Variants in CUL2 observed in about 807,000 individuals in gnomAD.
CUL2 encodes the protein cullin 2.
Under a neutral mutation model 110.2 loss-of-function variants are expected in CUL2, and 22 were observed. The observed-to-expected ratio is 0.20, with a 90% confidence interval of 0.14 to 0.28. The LOEUF (loss-of-function observed/expected upper bound fraction) is 0.28. Among genes scored for constraint, CUL2 ranks in the 10% least tolerant of loss-of-function variants. The probability of loss-of-function intolerance (pLI) is 1.00; values close to 1 mark genes in which losing one functional copy is unlikely to be tolerated. For missense variants in CUL2, 631 were observed against 905.5 expected (o/e 0.70, Z 3.89); for synonymous variants, 279 against 293.2 (o/e 0.95, Z 0.49).
chr10:35,091,981 G>C (rs1165137951), upstream of CUL2, among the ~76,000 whole-genome samples: 1 of 152,100 alleles, frequency 6.6e-6, no homozygotes, highest in Non-Finnish European at 1.5e-5. Context: ...GTCTCCCTCT[G>C]TCGCTGAGGC....
At chr10:35,105,806 C>A (rs2087447730) in intron 1 of CUL2, among the ~76,000 whole-genome samples, 1 of 145,272 alleles carries the variant, frequency 6.9e-6, no homozygotes, top group African/African-American at 2.6e-5. Flanking sequence ...GAACCTGGCT[C>A]CTGAAAGAGG....
chr10:35,077,877 T>G (rs1339683169), intron 1 of CUL2, among the ~76,000 whole-genome samples: 1 of 151,520 alleles, frequency 6.6e-6, no homozygotes, highest in East Asian at 1.9e-4. Flanking sequence ...ACAGATGTAA[T>G]GATATGCTGT....
intron 1 of CUL2, chr10:35,073,937 A>T (rs1012345578): frequency 6.0e-6 from 4 of 672,088 alleles, no homozygotes; most frequent in Non-Finnish European, 1.1e-5. Context: ...AAGAAAACTG[A>T]GTCACAAGTG....
intron 1 of CUL2, among the ~76,000 whole-genome samples, chr10:35,083,003 C>T (rs1412317494): frequency 6.6e-6 from 1 of 151,688 alleles, no homozygotes; most frequent in African/African-American, 2.4e-5. Flanking sequence ...ACTAAAAATA[C>T]AAAAATTAGT....
At chr10:35,073,590 T>C (rs2505632) in intron 1 of CUL2, among the ~76,000 whole-genome samples, 16,872 of 151,756 alleles carry the variant, frequency 0.11, 1,181 homozygotes, top group East Asian at 0.3. Flanking sequence ...CTTTTCTTTT[T>C]TTTTTTCTTT....
At chr10:35,098,184 C>T in intron 2 of CUL2, 1 of 151,896 alleles carries the variant, frequency 6.6e-6, no homozygotes, top group South Asian at 2.1e-4. Flanking sequence ...CCAGTGGATC[C>T]TTTATATTTC....
intron 1 of CUL2, among the ~76,000 whole-genome samples, chr10:35,078,276 G>T (rs1255240123): frequency 6.6e-6 from 1 of 151,170 alleles, no homozygotes; most frequent in African/African-American, 2.4e-5. Flanking sequence ...AAATATATAT[G>T]TTTGTTAAGA....
chr10:35,107,848 C>G (rs1777452222), intron 1 of CUL2, among the ~76,000 whole-genome samples: 1 of 132,762 alleles, frequency 7.5e-6, no homozygotes, highest in South Asian at 2.4e-4. Context: ...CGCCACTGCA[C>G]TCCAGCCTGG....
At chr10:35,014,639 C>A (rs2084982159) in intron 18 of CUL2, among the ~76,000 whole-genome samples, 1 of 151,830 alleles carries the variant, frequency 6.6e-6, no homozygotes, top group Non-Finnish European at 1.5e-5. Flanking sequence ...TTGAGACCAG[C>A]CTGGCCAACA....
At position 35,031,828 on chromosome 10, in the gene CUL2, C is replaced by A. The variant is rs1397768959; in HGVS notation, c.1171-209G>T. Among the ~76,000 whole-genome samples, 2 of 152,084 alleles carry A rather than the reference C, an allele frequency of 1.3e-5. No individual in the cohort carries two copies. Among genetic ancestry groups the A allele is most frequent in the Non-Finnish European group, 2.9e-5 (2 of 68,010 alleles). On this transcript the variant is annotated intron_variant, in intron 12 of 20. Coordinates refer to ENST00000374749, the MANE Select transcript of CUL2 (RefSeq NM_003591.4). The surrounding 1 kb of genome is among the most constrained non-coding windows in gnomAD (Gnocchi z 4.4). The stretch of plus-strand genomic sequence containing the variant: ...CCTCAAACTCCTAGGCTCAAAGGAT[C>A]CTCCTGCCTCAGCCTCCCAAGTAGT...
chr10:35,110,667 A>G (rs1201742769), intron 1 of CUL2, among the ~76,000 whole-genome samples: 3 of 152,146 alleles, frequency 2.0e-5, no homozygotes, highest in Non-Finnish European at 2.9e-5. Context: ...TGAGGGCCTA[A>G]GGGAGGAGTC....
chr10:35,103,095 C>T (rs2087405338), intron 1 of CUL2, among the ~76,000 whole-genome samples: 1 of 151,964 alleles, frequency 6.6e-6, no homozygotes, highest in Non-Finnish European at 1.5e-5. Context: ...AATCCAGAAA[C>T]CTATGCACTT....
At chr10:35,042,864 G>A (rs539142187) in intron 8 of CUL2, among the ~76,000 whole-genome samples, 5 of 152,078 alleles carry the variant, frequency 3.3e-5, no homozygotes, top group East Asian at 1.9e-4. Context: ...TCAGTAGTCC[G>A]GAGGCCCAGA....
At chr10:35,025,337 TAC>T (rs759274850) in intron 16 of CUL2, 139 bp from the exon 17 acceptor site, 340 of 1,256,914 alleles carry the variant, frequency 2.7e-4, no homozygotes, top group Non-Finnish European at 3.3e-4. Flanking sequence ...CTCCTTCTTT[TAC>T]AGAGGAGAAA....
At chr10:35,088,760 T>C (rs1049299692) in intron 1 of CUL2, among the ~76,000 whole-genome samples, 4 of 152,196 alleles carry the variant, frequency 2.6e-5, no homozygotes, top group African/African-American at 4.8e-5. Flanking sequence ...GTATTTCAGA[T>C]GCAGGAGAAC....
At position 35,073,086 on chromosome 10, in the gene CUL2, T is replaced by C. The variant is rs140838578; in HGVS notation, c.-22-1747A>G. 1.8e-3 allele frequency among the ~76,000 whole-genome samples: 275 copies of C among 152,108 alleles called. 2 individuals carry two copies. Among genetic ancestry groups the C allele is most frequent in the African/African-American group, 6.0e-3 (251 of 41,504 alleles). On this transcript the variant is annotated intron_variant, in intron 1 of 20. Coordinates refer to ENST00000374749, the MANE Select transcript of CUL2 (RefSeq NM_003591.4). ...AAGAGAGCTCAAGGAATCCCAGGAA[T>C]AGACTCCATGGAAAAGAATGAAAAA... is the stretch of plus-strand genomic sequence containing the variant.
chr10:35,119,569 T>C (rs1424249206), intron 1 of CUL2, among the ~76,000 whole-genome samples: 1 of 78,384 alleles, frequency 1.3e-5, no homozygotes, highest in African/African-American at 5.0e-5. Flanking sequence ...ATTTTATTTA[T>C]TTATTTATTT....
chr10:35,026,713 T>C (rs1179972438), intron 16 of CUL2, among the ~76,000 whole-genome samples: 1 of 152,218 alleles, frequency 6.6e-6, no homozygotes, highest in Non-Finnish European at 1.5e-5. Flanking sequence ...AATTCATCAA[T>C]TCATATGGCA....
In CUL2 at chr10:35,031,187, C is replaced by A; in HGVS notation, c.1386+113G>T. On this transcript the variant is annotated intron_variant, in intron 14 of 20. Coordinates refer to ENST00000374749, the MANE Select transcript of CUL2 (RefSeq NM_003591.4). The surrounding 1 kb of genome is among the most constrained non-coding windows in gnomAD (Gnocchi z 4.4). ...ATCCCACTGTGTGACTACACAAATA[C>A]ACATTTAACCAGATGAATTGTTTCC... 1 of 649,530 alleles carries A rather than the reference C, an allele frequency of 1.5e-6. No individual in the cohort carries two copies. Among genetic ancestry groups the A allele is most frequent in the Non-Finnish European group, 2.6e-6 (1 of 382,584 alleles). 40.2% of individuals were successfully genotyped at this position (649,530 alleles called of 1,614,324 possible). A position where few individuals can be genotyped will look rare whatever the true frequency, so the allele number is the denominator to read the frequency against.
Sources: allele counts gnomAD v4.1 joint callset (sites outside exome capture counted in the v4.1 genomes callset), GRCh38; gene constraint gnomAD v4.1.1; non-coding constraint Gnocchi (gnomAD v3.1); transcripts MANE v1.5; gene names NCBI Gene and HGNC (gene_info 2026-07-23, HGNC 2026-07-21).